Variants in IMPG1 observed in about 807,000 individuals in gnomAD.
IMPG1 encodes interphotoreceptor matrix proteoglycan of 150 kDa.
Under a neutral mutation model 92.0 loss-of-function variants are expected in IMPG1, and 85 were observed. That is an observed-to-expected ratio of 0.92 (90% CI 0.78 to 1.11). IMPG1 has a LOEUF of 1.11. IMPG1 is among the 50% of genes least tolerant of loss of function. IMPG1 has a pLI of 0.00. For missense variants in IMPG1, 1,022 were observed against 956.0 expected (o/e 1.07, Z -0.91); for synonymous variants, 367 against 334.1 (o/e 1.10, Z -1.08).
chr6:76,033,230 G>A (rs1246041516), intron 4 of IMPG1, among the ~76,000 whole-genome samples: 7 of 152,178 alleles, frequency 4.6e-5, no homozygotes, highest in Non-Finnish European at 8.8e-5. Flanking sequence ...GACTCTGCAG[G>A]TGTGTGTGTA....
intron 1 of IMPG1, among the ~76,000 whole-genome samples, chr6:76,044,302 T>C (rs566602662): frequency 3.9e-5 from 6 of 152,292 alleles, no homozygotes; most frequent in African/African-American, 1.2e-4. Context: ...AAGTAAGTTT[T>C]TGTTATATTT....
At chr6:76,044,423 C>T (rs1048924922) in intron 1 of IMPG1, among the ~76,000 whole-genome samples, 1 of 152,162 alleles carries the variant, frequency 6.6e-6, no homozygotes, top group African/African-American at 2.4e-5. Flanking sequence ...GCCTGCCCTT[C>T]TCCATTCTTC....
rs139414611 is a variant in IMPG1 at position 76,014,486 on chromosome 6, G to A, written c.808-3262C>T. Among the ~76,000 whole-genome samples the A allele has an allele frequency of 5.9e-3, 895 of 152,304 alleles. 6 individuals are homozygous for A. The highest frequency in any genetic ancestry group is 0.013 in the South Asian group (64 of 4,824). On this transcript the variant is annotated intron_variant, in intron 7 of 16. Transcript: ENST00000369950. ...GTTCTGCAAAGCTAGTCTTTATTCT[G>A]AGGGCAGGCAGGAAGGTCTGTGTAC...
intron 2 of IMPG1, among the ~76,000 whole-genome samples, chr6:76,035,952 A>T (rs980743411): frequency 4.1e-4 from 63 of 152,354 alleles, no homozygotes; most frequent in African/African-American, 1.5e-3. Flanking sequence ...ATAGGTTGAC[A>T]GCTGATTGAT....
rs538341318 is a variant in IMPG1, at chr6:76,003,865, C to G, written c.1212+9G>C. The stretch of plus-strand genomic sequence containing the variant: ...TCCTAGTTAAAGAACAAAAGGACAA[C>G]AAACTTACCTCTGTTATAACAGCAA... On this transcript the variant is annotated intron_variant, in intron 11 of 16. Coordinates refer to ENST00000369950, the MANE Select transcript of IMPG1 (RefSeq NM_001563.4). 3 of 1,606,124 alleles carry G rather than the reference C, an allele frequency of 1.9e-6. No homozygotes were observed. In the South Asian group the frequency reaches 3.3e-5, roughly 18 times the overall value.
At chr6:75,990,756 A>T (rs1304208270) in intron 12 of IMPG1, among the ~76,000 whole-genome samples, 1 of 151,984 alleles carries the variant, frequency 6.6e-6, no homozygotes, top group East Asian at 1.9e-4. Context: ...CTGTAAACTG[A>T]CAACTGCATG....
intron 4 of IMPG1, among the ~76,000 whole-genome samples, chr6:76,031,481 G>A (rs1305988460): frequency 6.6e-6 from 1 of 152,230 alleles, no homozygotes; most frequent in African/African-American, 2.4e-5. Context: ...CAGAACAGAT[G>A]TTAGTTGTAA....
chr6:75,984,425 A>G (rs1438509924), intron 12 of IMPG1, among the ~76,000 whole-genome samples: 1 of 152,224 alleles, frequency 6.6e-6, no homozygotes, highest in African/African-American at 2.4e-5. Flanking sequence ...ACATGGATGA[A>G]CTTGAAGGAC....
intron 2 of IMPG1, among the ~76,000 whole-genome samples, chr6:76,039,463 C>G (rs1783797638): frequency 6.6e-6 from 1 of 150,418 alleles, no homozygotes; most frequent in African/African-American, 2.5e-5. Flanking sequence ...TTGAGCGATT[C>G]TCCTGCCTCA....
intron 12 of IMPG1, among the ~76,000 whole-genome samples, chr6:75,957,082 G>C (rs929171786): frequency 6.6e-6 from 1 of 152,018 alleles, no homozygotes; most frequent in Non-Finnish European, 1.5e-5. Context: ...ACCATGCCTG[G>C]CAAATTTTTG....
chr6:75,963,617 T>C (rs1012036338), intron 12 of IMPG1, among the ~76,000 whole-genome samples: 1 of 152,176 alleles, frequency 6.6e-6, no homozygotes, highest in Non-Finnish European at 1.5e-5. Context: ...TTCTGGAAAC[T>C]AAACAAAAGC....
At chr6:75,973,647 G>A (rs1782458231) in intron 12 of IMPG1, among the ~76,000 whole-genome samples, 1 of 152,188 alleles carries the variant, frequency 6.6e-6, no homozygotes, top group African/African-American at 2.4e-5. Flanking sequence ...AAGTTGTTGG[G>A]CTGGGGTTTG....
At position 75,950,805 on chromosome 6, in the gene IMPG1, A is replaced by G; in HGVS notation, c.1581T>C (p.Thr527=). ...GCTCTGGTACCTCAGATGGGGCAGG[A>G]GTGTCAGACAGATCCATTTCATCTA... is the stretch of plus-strand genomic sequence containing the variant. ...RHLDEMDLSD[T]PAPSEVPELS... is the part of the protein sequence containing the mutation. The change falls in exon 13 of 17, where the codon ACT becomes ACC. Residue 527 remains threonine (T), a synonymous_variant. Transcript: ENST00000369950. 6.2e-7 allele frequency: 1 copy of G among 1,613,972 alleles called. No homozygotes were observed. The highest frequency in any genetic ancestry group is 2.2e-5 in the East Asian group (1 of 44,886).
intron 12 of IMPG1, among the ~76,000 whole-genome samples, chr6:75,973,325 C>T (rs151133531): frequency 1.2e-3 from 183 of 149,860 alleles, no homozygotes; most frequent in African/African-American, 4.3e-3. Flanking sequence ...TTCTGTATAT[C>T]CAAGAGTAGA....
At position 75,974,416 on chromosome 6, in the gene IMPG1, C is replaced by G. The variant is rs550281145; in HGVS notation, c.1292-23322G>C. ...CTTTTCTTTCTTTCCTTCCTTCCTT[C>G]CTTCCTTCCTTGCTTCCTTCCTTCC... On this transcript the variant is annotated intron_variant, in intron 12 of 16. Coordinates refer to ENST00000369950, the MANE Select transcript of IMPG1 (RefSeq NM_001563.4). 2.0e-3 allele frequency among the ~76,000 whole-genome samples: 263 copies of G among 131,264 alleles called. 6 individuals carry two copies. The highest frequency in any genetic ancestry group is 5.5e-3 in the East Asian group (24 of 4,382). 86.1% of individuals were successfully genotyped at this position (131,264 alleles called of 152,430 possible). A position where few individuals can be genotyped will look rare whatever the true frequency, so the allele number is the denominator to read the frequency against.
rs112233130 is a variant in IMPG1 at position 75,953,234 on chromosome 6, A to C, written c.1292-2140T>G. On this transcript the variant is annotated intron_variant, in intron 12 of 16. Transcript: ENST00000369950. ...GGCTTCTACATTATGTCATCAATCA[A>C]CAAAAATAAATTTCTGGCCATTTCC... 2.4e-3 allele frequency among the ~76,000 whole-genome samples: 369 copies of C among 152,260 alleles called. 1 individual carries two copies. Among genetic ancestry groups the C allele is most frequent in the African/African-American group, 8.4e-3 (351 of 41,548 alleles).
chr6:76,020,678 A>G (rs536329229), intron 6 of IMPG1, among the ~76,000 whole-genome samples: 2 of 151,968 alleles, frequency 1.3e-5, no homozygotes, highest in African/African-American at 4.8e-5. Context: ...TACTTTGTGC[A>G]GCCAAAGCTC....
chr6:75,963,488 G>A (rs1782242990), intron 12 of IMPG1, among the ~76,000 whole-genome samples: 1 of 152,206 alleles, frequency 6.6e-6, no homozygotes, highest in Non-Finnish European at 1.5e-5. Context: ...AGATTCAAAC[G>A]CAGTTATAAG....
intron 1 of IMPG1, among the ~76,000 whole-genome samples, chr6:76,062,513 C>T (rs761621253): frequency 4.6e-5 from 7 of 152,162 alleles, no homozygotes; most frequent in South Asian, 2.1e-4. Flanking sequence ...AAAAGTAGTG[C>T]TGGCATAGGT....
Sources: gnomAD v4.1 joint callset for allele counts (sites outside exome capture counted in the v4.1 genomes callset) on GRCh38, gnomAD v4.1.1 for gene constraint, MANE v1.5 for transcripts, NCBI Gene and HGNC (gene_info 2026-07-23, HGNC 2026-07-21) for gene names.